TSHZ2: variants seen among roughly 807,000 people sequenced by gnomAD.
The protein encoded by TSHZ2 is teashirt homolog 2.
A neutral mutation model predicts 74.4 loss-of-function variants in TSHZ2; 21 were observed. That is an observed-to-expected ratio of 0.28 (90% confidence interval 0.20 to 0.41). TSHZ2 has a LOEUF of 0.41. TSHZ2 is among the 10% of genes least tolerant of loss of function. The probability of loss-of-function intolerance (pLI) is 1.00; values close to 1 mark genes in which losing one functional copy is unlikely to be tolerated. For synonymous variants in TSHZ2, 540 were observed against 515.3 expected, an observed-to-expected ratio of 1.05 and a Z score of -0.65; for missense variants, 1,244 against 1,293.5, an observed-to-expected ratio of 0.96 and a Z score of 0.59.
intron 2 of TSHZ2, among the ~76,000 whole-genome samples, chr20:53,345,169 G>C (rs1980387852): frequency 6.6e-6 from 1 of 152,244 alleles, no homozygotes; most frequent in Non-Finnish European, 1.5e-5. Flanking sequence ...AGAGGAACCT[G>C]TGCCAAAGTG....
At position 53,432,083 on chromosome 20, in the gene TSHZ2, G is replaced by A. The variant is rs370891261; in HGVS notation, c.*9-55061G>A. The stretch of plus-strand genomic sequence containing the variant: ...TGAAATTTTAGTGCATTGGTCACCC[G>A]AGTAGTGTACCCAAAATGTAGTTTT... On this transcript the variant is annotated intron_variant, in intron 2 of 2. Coordinates refer to ENST00000371497, the MANE Select transcript of TSHZ2 (RefSeq NM_173485.6). Among the ~76,000 whole-genome samples, 36 of 152,200 alleles carry A rather than the reference G, an allele frequency of 2.4e-4. No individual in the cohort carries two copies. In the South Asian group the frequency reaches 3.3e-3, roughly 14 times the overall value.
intron 1 of TSHZ2, among the ~76,000 whole-genome samples, chr20:53,001,220 G>GTGTGTA (rs1982411548): frequency 1.4e-5 from 2 of 146,302 alleles, no homozygotes; most frequent in African/African-American, 5.2e-5. Flanking sequence ...GTGTGTGTGT[G>GTGTGTA]TGTGTGTGTG....
At chr20:53,106,391 CTTTTTTTTTTTTT>C (rs71194458) in intron 1 of TSHZ2, among the ~76,000 whole-genome samples, 29 of 58,980 alleles carry the variant, frequency 4.9e-4, no homozygotes, top group South Asian at 4.4e-3. Flanking sequence ...CTCACACTTT[CTTTTTTTTTTTTT>C]TTTTTTTTTT....
intron 1 of TSHZ2, among the ~76,000 whole-genome samples, chr20:53,146,513 G>A (rs1160790180): frequency 6.6e-6 from 1 of 152,202 alleles, no homozygotes; most frequent in African/African-American, 2.4e-5. Context: ...ATGACCTTCA[G>A]GATGTGGCTC....
chr20:53,439,936 T>C (rs544378792), intron 2 of TSHZ2, among the ~76,000 whole-genome samples: 1 of 152,294 alleles, frequency 6.6e-6, no homozygotes, highest in South Asian at 2.1e-4. Flanking sequence ...TGAAGACTCA[T>C]TTACAGTTTA....
At chr20:53,356,271 T>C (rs1473750824) in intron 2 of TSHZ2, among the ~76,000 whole-genome samples, 1 of 152,150 alleles carries the variant, frequency 6.6e-6, no homozygotes, top group African/African-American at 2.4e-5. Flanking sequence ...GAAAGTGAGA[T>C]ACAAAATAAT....
At chr20:53,267,014 G>C (rs1345462886) in intron 2 of TSHZ2, among the ~76,000 whole-genome samples, 1 of 152,166 alleles carries the variant, frequency 6.6e-6, no homozygotes, top group Non-Finnish European at 1.5e-5. Flanking sequence ...CTGACCTCAG[G>C]TGATTTGCCT....
At position 53,074,537 on chromosome 20, in the gene TSHZ2, A is replaced by G. The variant is rs1472081234; in HGVS notation, c.40+101204A>G. ...AAAGCTTATGATTGTTGGAAAGTTC[A>G]AGTATACACAGACTAAACAGCTGGA... On this transcript the variant is annotated intron_variant, in intron 1 of 2. Coordinates refer to ENST00000371497, the MANE Select transcript of TSHZ2 (RefSeq NM_173485.6). This position sits in a 1 kb window ranked among gnomAD's most constrained non-coding sequence, Gnocchi z 5.9. Among the ~76,000 whole-genome samples the G allele has an allele frequency of 6.6e-6, 1 of 152,206 alleles. No homozygotes were observed. The highest frequency in any genetic ancestry group is 1.5e-5 in the Non-Finnish European group (1 of 68,034).
chr20:53,048,458 C>G (rs2008545), intron 1 of TSHZ2, among the ~76,000 whole-genome samples: 1 of 152,104 alleles, frequency 6.6e-6, no homozygotes, highest in Admixed American at 6.5e-5. Flanking sequence ...TCCATCTCCC[C>G]TTCGCTTGTC....
chr20:53,051,339 C>CA (rs201578725), intron 1 of TSHZ2, among the ~76,000 whole-genome samples: 2,333 of 151,266 alleles, frequency 0.015, 63 homozygotes, highest in African/African-American at 0.049. Flanking sequence ...GACTGTGTCT[C>CA]AAAAAAAAGA....
At chr20:53,477,776 A>C (rs8184597) in intron 2 of TSHZ2, among the ~76,000 whole-genome samples, 50,293 of 125,690 alleles carry the variant, frequency 0.4, 10,208 homozygotes, top group Admixed American at 0.41. Context: ...ACAAAGGGCT[A>C]ATATCCAGAA....
At chr20:53,001,228 G>GTGTGTGTGTATA (rs1982418436) in intron 1 of TSHZ2, among the ~76,000 whole-genome samples, 7 of 143,384 alleles carry the variant, frequency 4.9e-5, no homozygotes, top group African/African-American at 1.4e-4. Context: ...GTGTGTGTGT[G>GTGTGTGTGTATA]TGTGTGTGTG....
At chr20:53,463,967 T>A (rs1985481682) in intron 2 of TSHZ2, among the ~76,000 whole-genome samples, 1 of 152,230 alleles carries the variant, frequency 6.6e-6, no homozygotes, top group African/African-American at 2.4e-5. Flanking sequence ...TTCCCATTAT[T>A]ACCGCCATCA....
At chr20:53,291,210 G>T (rs1409995727) in intron 2 of TSHZ2, among the ~76,000 whole-genome samples, 2 of 152,126 alleles carry the variant, frequency 1.3e-5, no homozygotes, top group Non-Finnish European at 2.9e-5. Flanking sequence ...GGTGGCTCAC[G>T]CCTGTAATCC....
chr20:53,394,422 C>T (rs1982369166), intron 2 of TSHZ2, among the ~76,000 whole-genome samples: 1 of 152,150 alleles, frequency 6.6e-6, no homozygotes, highest in Non-Finnish European at 1.5e-5. Flanking sequence ...AGAAAACTGG[C>T]TTAAGGTTGC....
chr20:53,300,347 G>T (rs1434190661), intron 2 of TSHZ2, among the ~76,000 whole-genome samples: 1 of 152,170 alleles, frequency 6.6e-6, no homozygotes, highest in Non-Finnish European at 1.5e-5. Flanking sequence ...TGGCTTTTAA[G>T]GTCAGAAGTA....
chr20:53,090,313 A>G (rs932508176), intron 1 of TSHZ2, among the ~76,000 whole-genome samples: 54 of 152,100 alleles, frequency 3.6e-4, no homozygotes, highest in Admixed American at 2.0e-3. Flanking sequence ...CTTTGTCAAC[A>G]CCCTCACAGA....
At chr20:53,071,333 A>G (rs932845388) in intron 1 of TSHZ2, among the ~76,000 whole-genome samples, 4 of 152,212 alleles carry the variant, frequency 2.6e-5, no homozygotes, top group African/African-American at 4.8e-5. Context: ...ATTAGTGACT[A>G]TCTTTCAGGA....
chr20:53,095,664 G>A (rs1413236221), intron 1 of TSHZ2, among the ~76,000 whole-genome samples: 2 of 152,128 alleles, frequency 1.3e-5, no homozygotes, highest in East Asian at 3.9e-4. Context: ...TGACATTTAG[G>A]GCCAGATAAT....
Sources: gnomAD v4.1 joint callset for allele counts (sites outside exome capture counted in the v4.1 genomes callset) on GRCh38, gnomAD v4.1.1 for gene constraint, Gnocchi (gnomAD v3.1) non-coding constraint, MANE v1.5 for transcripts, NCBI Gene and HGNC (gene_info 2026-07-23, HGNC 2026-07-21) for gene names.